R3HDM1: variants seen among roughly 807,000 people sequenced by gnomAD.
R3HDM1 encodes R3H domain containing 1, also known as R3H domain-containing protein 1.
In R3HDM1, 46 loss-of-function variants were observed where a neutral mutation model predicts 141.1. The ratio of observed to expected loss-of-function variants is 0.33; its 90% confidence interval spans 0.26 to 0.42. The LOEUF is 0.42. Ranked by LOEUF, R3HDM1 falls within the 10% of genes least tolerant of loss-of-function variation. The pLI is 1.00. For missense variants in R3HDM1, 1,184 were observed against 1,368.3 expected (o/e 0.87, Z 2.12); for synonymous variants, 435 against 472.9 (o/e 0.92, Z 1.04).
chr2:135,593,268 A>C (rs1461398566), intron 1 of R3HDM1, among the ~76,000 whole-genome samples: 1 of 152,106 alleles, frequency 6.6e-6, no homozygotes, highest in Non-Finnish European at 1.5e-5. Flanking sequence ...ATCAGATCAT[A>C]TTACACCCTG....
At chr2:135,621,791 G>A (rs1244390873) in intron 6 of R3HDM1, 183 bp downstream of exon 6, 1 of 963,416 alleles carries the variant, frequency 1.0e-6, no homozygotes, top group Admixed American at 6.6e-5. Context: ...ATATCAGTAA[G>A]ACGTTTCAGC....
At chr2:135,545,957 C>T (rs1698607067) in intron 1 of R3HDM1, among the ~76,000 whole-genome samples, 1 of 152,188 alleles carries the variant, frequency 6.6e-6, no homozygotes, top group Non-Finnish European at 1.5e-5. Context: ...GGGGCAATCA[C>T]CTGGGCAGCT....
chr2:135,565,183 T>G (rs1702485762), intron 1 of R3HDM1, among the ~76,000 whole-genome samples: 1 of 152,052 alleles, frequency 6.6e-6, no homozygotes, highest in African/African-American at 2.4e-5. Context: ...CAAAGATATA[T>G]TCAGTATAAG....
chr2:135,544,374 G>A (rs1486511576), intron 1 of R3HDM1, among the ~76,000 whole-genome samples: 2 of 152,082 alleles, frequency 1.3e-5, no homozygotes, highest in Non-Finnish European at 2.9e-5. Flanking sequence ...CTGGAATAGG[G>A]GCAAACACAA....
At position 135,661,283 on chromosome 2, in the gene R3HDM1, A is replaced by T. The variant is rs1559372220; in HGVS notation, c.2042A>T (p.Tyr681Phe). The T allele has an allele frequency of 6.2e-7, 1 of 1,613,982 alleles. No individual in the cohort carries two copies. The highest frequency in any genetic ancestry group is 1.7e-5 in the Admixed American group (1 of 59,998). ...TTATGATCCTAGATGCCAGCCTGTTATTGCGCTCCAGGCCACTATCACTCC... is the reference window on the plus strand; with the variant it reads ...TTATGATCCTAGATGCCAGCCTGTTTTTGCGCTCCAGGCCACTATCACTCC... ...QQPSPQMPAC[Y>F]CAPGHYHSSQ... Residue 681 changes from tyrosine (Y) to phenylalanine (F), a missense_variant, in exon 19 of 27, where the codon TAT becomes TTT. Tyr to Phe is a conservative substitution (Grantham distance 22). Transcript: ENST00000683871.
At position 135,675,493 on chromosome 2, in the gene R3HDM1, T is replaced by C; in HGVS notation, c.2307+7T>C. ...TTCAGTGCCAACATATCAGGTATAT[T>C]GTCTCTTTTATGTACTTTGGGTAGA... On this transcript the variant is annotated splice_region_variant and intron_variant, in intron 20 of 26. Transcript: ENST00000683871. 6.2e-7 allele frequency: 1 copy of C among 1,608,762 alleles called. No individual in the cohort carries two copies. The highest frequency in any genetic ancestry group is 8.5e-7 in the Non-Finnish European group (1 of 1,176,078).
intron 16 of R3HDM1, among the ~76,000 whole-genome samples, chr2:135,647,910 C>T (rs1309808803): frequency 6.6e-6 from 1 of 152,066 alleles, no homozygotes; most frequent in East Asian, 1.9e-4. Flanking sequence ...ATCTTCTAGC[C>T]CACAGTTTTT....
intron 19 of R3HDM1, chr2:135,665,342 A>C: frequency 2.0e-6 from 1 of 498,504 alleles, no homozygotes. Context: ...GACTCTTGAC[A>C]AGTTTGTAGC....
chr2:135,553,731 G>A (rs543560945), intron 1 of R3HDM1, among the ~76,000 whole-genome samples: 5 of 152,184 alleles, frequency 3.3e-5, no homozygotes, highest in East Asian at 1.9e-4. Context: ...TCACTCTGTC[G>A]CCCAGGCTGG....
At chr2:135,561,862 A>T (rs1050947113) in intron 1 of R3HDM1, among the ~76,000 whole-genome samples, 3 of 152,216 alleles carry the variant, frequency 2.0e-5, no homozygotes, top group African/African-American at 7.2e-5. Context: ...GCTTAGTATA[A>T]AACAATAAAA....
chr2:135,655,716 G>C (rs530767792), intron 18 of R3HDM1, among the ~76,000 whole-genome samples: 1 of 151,682 alleles, frequency 6.6e-6, no homozygotes, highest in Non-Finnish European at 1.5e-5. Flanking sequence ...CGGTAGTCTC[G>C]ATCTCCTGAC....
intron 1 of R3HDM1, chr2:135,581,499 T>C: frequency 2.9e-6 from 2 of 692,594 alleles, no homozygotes; most frequent in Non-Finnish European, 3.6e-6. Context: ...AATACCACAA[T>C]CTTTCCTCAC....
At chr2:135,585,592 T>C (rs934232400) in intron 1 of R3HDM1, among the ~76,000 whole-genome samples, 9 of 152,326 alleles carry the variant, frequency 5.9e-5, no homozygotes, top group Admixed American at 5.9e-4. Context: ...TCTGGTTTAG[T>C]GTGTTGCCCA....
intron 24 of R3HDM1, among the ~76,000 whole-genome samples, chr2:135,720,292 A>G (rs1167492782): frequency 6.6e-6 from 1 of 152,124 alleles, no homozygotes. Context: ...AGGCATCTTC[A>G]CTGTGTTCAC....
chr2:135,593,556 A>G (rs1709846236), intron 1 of R3HDM1, among the ~76,000 whole-genome samples: 1 of 152,124 alleles, frequency 6.6e-6, no homozygotes, highest in South Asian at 2.1e-4. Flanking sequence ...CAGCCGTTTC[A>G]TGATCTTCCA....
chr2:135,569,718 C>CTTTTTTTTTTT, intron 1 of R3HDM1, among the ~76,000 whole-genome samples: 1 of 129,344 alleles, frequency 7.7e-6, no homozygotes, highest in African/African-American at 3.9e-5. Context: ...ATAGTAAGCT[C>CTTTTTTTTTTT]TTTTTTTTTT....
At chr2:135,549,561 C>CAAAAAAAAAAA (rs1236257586) in intron 1 of R3HDM1, among the ~76,000 whole-genome samples, 1 of 67,478 alleles carries the variant, frequency 1.5e-5, no homozygotes, top group Non-Finnish European at 3.3e-5. Flanking sequence ...AACTCTGCCT[C>CAAAAAAAAAAA]AAAAAAAAAA....
chr2:135,664,513 T>A (rs2067211479), intron 19 of R3HDM1, among the ~76,000 whole-genome samples: 1 of 152,186 alleles, frequency 6.6e-6, no homozygotes, highest in Non-Finnish European at 1.5e-5. Flanking sequence ...CAAGCCCAAC[T>A]GAGCAAAGTA....
At chr2:135,714,608 A>C (rs1330030235) in intron 23 of R3HDM1, among the ~76,000 whole-genome samples, 1 of 152,128 alleles carries the variant, frequency 6.6e-6, no homozygotes, top group Non-Finnish European at 1.5e-5. Context: ...TTGTATTGTT[A>C]ATTTTCTGGC....
Sources: gnomAD v4.1 joint callset for allele counts (sites outside exome capture counted in the v4.1 genomes callset) on GRCh38, gnomAD v4.1.1 for gene constraint, MANE v1.5 for transcripts, NCBI Gene and HGNC (gene_info 2026-07-23, HGNC 2026-07-21) for gene names.